Variants in MYO19 observed in about 807,000 individuals in gnomAD.
MYO19 encodes the protein myosin XIX.
In MYO19, 132 loss-of-function variants were observed where a neutral mutation model predicts 129.2. The ratio of observed to expected loss-of-function variants is 1.02; its 90% CI spans 0.89 to 1.18. The LOEUF (loss-of-function observed/expected upper bound fraction) is 1.18, where lower values mean the gene tolerates loss of function less well. Ranked by LOEUF, MYO19 falls within the 50% of genes most tolerant of loss-of-function variation. The pLI, the probability that MYO19 is intolerant of heterozygous loss-of-function variation, is 0.00. For synonymous variants in MYO19, 531 were observed against 477.2 expected (o/e 1.11, Z -1.47); for missense variants, 1,210 against 1,216.7 (o/e 0.99, Z 0.08).
At chr17:36,509,034 T>C (rs763861068) in intron 14 of MYO19, 28 bp downstream of exon 14, 2 of 1,603,834 alleles carry the variant, frequency 1.2e-6, no homozygotes, top group East Asian at 2.2e-5. Flanking sequence ...TTTTCTGGAG[T>C]GCTCCCAGCA....
At chr17:36,536,149 C>T (rs1253686320), upstream of MYO19, among the ~76,000 whole-genome samples, 2 of 152,190 alleles carry the variant, frequency 1.3e-5, no homozygotes, top group Non-Finnish European at 2.9e-5. Flanking sequence ...GAGCAACTAA[C>T]ACTAGTATGT....
chr17:36,507,583 T>C, intron 15 of MYO19, 71 bp from the exon 16 acceptor site: 1 of 1,500,070 alleles, frequency 6.7e-7, no homozygotes, highest in East Asian at 2.3e-5. Flanking sequence ...CATCCACGGC[T>C]GGCCTCGGTA....
chr17:36,503,328 T>C (rs749652441), intron 20 of MYO19, 128 bp from the exon 21 acceptor site: 6 of 746,040 alleles, frequency 8.0e-6, no homozygotes, highest in Non-Finnish European at 1.4e-5. Context: ...CCTCCCCGAG[T>C]ATCCCCACTG....
Position 36,505,302 on chromosome 17 carries a change from C to G in MYO19, c.1900G>C (p.Glu634Gln), listed in dbSNP as rs772850495. The change falls in exon 19 of 26, where the codon GAG (glutamate) becomes CAG (glutamine). Residue 634 changes from glutamate to glutamine, a missense_variant. Physicochemically the swap from Glu to Gln is conservative, Grantham distance 29. Coordinates refer to ENST00000614623, the MANE Select transcript of MYO19 (RefSeq NM_001163735.2). ...SQGQAQTFLQ[E>Q]EVLSQLEACG... is the part of the protein sequence containing the mutation. ...TTTGGCCCGGTGTTAATTACCTCCT[C>G]TTGGAGAAAGGTCTGCGCCTGGCCC... 8 of 1,614,050 alleles carry G rather than the reference C, an allele frequency of 5.0e-6. No individual in the cohort carries two copies. The highest frequency in any genetic ancestry group is 6.8e-6 in the Non-Finnish European group (8 of 1,179,996).
chr17:36,515,994 T>A lies in MYO19; in HGVS notation c.415-4A>T, dbSNP rs753302002. On this transcript the variant is annotated splice_region_variant and splice_polypyrimidine_tract_variant and intron_variant, in intron 6 of 25. Transcript: ENST00000614623. The stretch of plus-strand genomic sequence containing the variant: ...TTAGGCAGCGAGACGTCCATGTCTG[T>A]GGCAGAAACAGCCCTGTGGGAGCTG... 5.6e-6 allele frequency: 9 copies of A among 1,607,896 alleles called. No individual in the cohort carries two copies. In the Admixed American group the frequency reaches 1.5e-4, roughly 27 times the overall value.
Position 36,498,059 on chromosome 17 carries a change from A to T in MYO19, c.2757+207T>A, listed in dbSNP as rs1300158125. ...AAATAATTAGAAGCAGTTTTTAAAAAGATAAAGGGCTCTGGAAGATTCCCA... is the reference window on the plus strand; with the variant it reads ...AAATAATTAGAAGCAGTTTTTAAAATGATAAAGGGCTCTGGAAGATTCCCA... On this transcript the variant is annotated intron_variant, in intron 25 of 25. Transcript: ENST00000614623. 5.5e-6 allele frequency: 3 copies of T among 549,614 alleles called. No individual in the cohort carries two copies. The African/African-American group carries it at 5.6e-5, about 10-fold the overall frequency. 34.0% of individuals were successfully genotyped at this position (549,614 alleles called of 1,614,324 possible).
intron 21 of MYO19, chr17:36,501,906 C>T (rs1174540880): frequency 2.0e-5 from 3 of 152,558 alleles, no homozygotes; most frequent in East Asian, 3.9e-4. Flanking sequence ...CAGAGGCTGC[C>T]AAAGGAGACA....
rs762390768 is a variant in MYO19, at chr17:36,527,519, C to T, written c.300+32G>A. On this transcript the variant is annotated intron_variant, in intron 5 of 25. Coordinates refer to ENST00000614623, the MANE Select transcript of MYO19 (RefSeq NM_001163735.2). Reference sequence around the variant, plus strand: ...AGAGGTTTAGCGGGAGGTAGAGGAGCCCTGAGGCCACAGGCAGCGGCAGAG... The same window carrying T: ...AGAGGTTTAGCGGGAGGTAGAGGAGTCCTGAGGCCACAGGCAGCGGCAGAG... 2.5e-6 allele frequency: 4 copies of T among 1,604,868 alleles called. No homozygotes were observed. The South Asian group carries it at 4.5e-5, about 18-fold the overall frequency.
chr17:36,524,631 T>C (rs2073352293), intron 6 of MYO19, among the ~76,000 whole-genome samples: 1 of 152,192 alleles, frequency 6.6e-6, no homozygotes. Flanking sequence ...CCTGGCCCAA[T>C]ATACTGCCCT....
At chr17:36,507,946 C>T in intron 14 of MYO19, 22 bp from the exon 15 acceptor site, 1 of 1,580,072 alleles carries the variant, frequency 6.3e-7, no homozygotes, top group Non-Finnish European at 8.6e-7. Flanking sequence ...GCAGAGAACC[C>T]ATGGGGCCAC....
Position 36,532,585 on chromosome 17 carries a change from A to G in MYO19, c.-47T>C, listed in dbSNP as rs1231637600. The G allele has an allele frequency of 6.4e-7, 1 of 1,552,004 alleles. No homozygotes were observed. The highest frequency in any genetic ancestry group is 1.4e-5 in the African/African-American group (1 of 73,186). On this transcript the variant is annotated 5_prime_UTR_variant, in exon 3 of 26. Coordinates refer to ENST00000614623, the MANE Select transcript of MYO19 (RefSeq NM_001163735.2). ...AGGGTTCTGGGTTGCAGGAGGTACA[A>G]GGAGTACTATCCACCTAGTCATGGG...
chr17:36,513,876 G>T (rs1474091319), intron 9 of MYO19, among the ~76,000 whole-genome samples, 151 bp from the exon 10 acceptor site: 2 of 152,194 alleles, frequency 1.3e-5, no homozygotes, highest in Non-Finnish European at 2.9e-5. Context: ...AGGTATGGGG[G>T]CAAAAGATGC....
In MYO19 at chr17:36,495,911, T is replaced by C; in HGVS notation, c.*340A>G. 1 of 1,179,248 alleles carries C rather than the reference T, an allele frequency of 8.5e-7. No individual in the cohort carries two copies. The highest frequency in any genetic ancestry group is 4.1e-5 in the Admixed American group (1 of 24,604). The allele number at this position is 1,179,248 out of a possible 1,614,324, so 73.0% of individuals were successfully genotyped here. On this transcript the variant is annotated 3_prime_UTR_variant, in exon 26 of 26. Coordinates refer to ENST00000614623, the MANE Select transcript of MYO19 (RefSeq NM_001163735.2). The stretch of plus-strand genomic sequence containing the variant: ...TTTAGGCCAACTTTGGCTGTTTTCT[T>C]CCAAAAGTGCTTATGTGGAATTGGG...
At chr17:36,542,187 G>A (rs547823693) in intron 1 of MYO19, 43 of 152,230 alleles carry the variant, frequency 2.8e-4, no homozygotes, top group African/African-American at 9.9e-4. Flanking sequence ...ACCCAAATTA[G>A]GGAAAGTAAG....
Position 36,495,670 on chromosome 17 carries a change from T to A in MYO19, c.*581A>T. ...AATGTTTTACTTTTGGTACAGTTGA[T>A]AGACATCATAAACGATATCAAGCTT... On this transcript the variant is annotated 3_prime_UTR_variant, in exon 26 of 26. Coordinates refer to ENST00000614623, the MANE Select transcript of MYO19 (RefSeq NM_001163735.2). 3.1e-6 allele frequency: 4 copies of A among 1,280,190 alleles called. No individual in the cohort carries two copies. The highest frequency in any genetic ancestry group is 3.9e-6 in the Non-Finnish European group (4 of 1,016,634). The allele number at this position is 1,280,190 out of a possible 1,614,324, so 79.3% of individuals were successfully genotyped here. A position where few individuals can be genotyped will look rare whatever the true frequency, so the allele number is the denominator to read the frequency against.
intron 5 of MYO19, among the ~76,000 whole-genome samples, chr17:36,525,990 C>A (rs946047111): frequency 6.6e-6 from 1 of 152,194 alleles, no homozygotes; most frequent in Admixed American, 6.5e-5. Flanking sequence ...TACCTCATCA[C>A]GCATGAACTT....
intron 8 of MYO19, 47 bp from the exon 9 acceptor site, chr17:36,514,595 T>C (rs763342716): frequency 1.1e-5 from 14 of 1,286,038 alleles, no homozygotes; most frequent in African/African-American, 2.9e-5. Flanking sequence ...ATTCATTCCA[T>C]AGCCATGTCT....
rs2070963017 is a variant in MYO19 at position 36,496,331 on chromosome 17, T to C, written c.2833A>G (p.Ile945Val). The stretch of plus-strand genomic sequence containing the variant: ...AGCAGAATCTGATTAAAGCCTGTAA[T>C]GCTGTAGGGTGAAGGTTCAGGGCAG... ...DICPEPSPYSITGFNQILLER... is the reference protein window; with the variant it reads ...DICPEPSPYSVTGFNQILLER... The change falls in exon 26 of 26, where the codon ATT (isoleucine) becomes GTT (valine). Residue 945 changes from isoleucine (I) to valine (V), a missense_variant. Transcript: ENST00000614623. The C allele has an allele frequency of 6.2e-7, 1 of 1,613,932 alleles. No homozygotes were observed. Among genetic ancestry groups the C allele is most frequent in the South Asian group, 1.1e-5 (1 of 91,062 alleles).
chr17:36,521,782 C>T (rs984751804), intron 6 of MYO19, among the ~76,000 whole-genome samples: 5 of 152,098 alleles, frequency 3.3e-5, no homozygotes, highest in African/African-American at 7.2e-5. Context: ...CCTGTAATCC[C>T]AGCACTTTGG....
Sources: gnomAD v4.1 joint callset for allele counts (sites outside exome capture counted in the v4.1 genomes callset) on GRCh38, gnomAD v4.1.1 for gene constraint, MANE v1.5 for transcripts, NCBI Gene and HGNC (gene_info 2026-07-23, HGNC 2026-07-21) for gene names.